Variants in SMOX observed in about 807,000 individuals in gnomAD.
SMOX encodes spermine oxidase.
In SMOX, 22 loss-of-function variants were observed where a neutral mutation model predicts 51.0. That is an observed-to-expected ratio of 0.43 (90% CI 0.31 to 0.62). The LOEUF is 0.62. Ranked by LOEUF, SMOX falls within the 20% of genes least tolerant of loss-of-function variation. The pLI is 0.10. For synonymous variants in SMOX, 282 were observed against 307.8 expected, an observed-to-expected ratio of 0.92 and a Z score of 0.88; for missense variants, 566 against 777.7, an observed-to-expected ratio of 0.73 and a Z score of 3.24.
Position 4,177,496 on chromosome 20 carries a change from T to C in SMOX, c.354T>C (p.Asn118=). Reference sequence around the variant, plus strand: ...GCCGCATCAGCCTCTATTCCAAGAATGGCGTGGCCTGCTACCTTACCAACC... The same window carrying C: ...GCCGCATCAGCCTCTATTCCAAGAACGGCGTGGCCTGCTACCTTACCAACC... ...SVGRISLYSK[N]GVACYLTNHG... is the part of the protein sequence containing the mutation. The change falls in exon 3 of 7, where the codon AAT becomes AAC. Residue 118 remains asparagine, a synonymous_variant. Transcript: ENST00000305958. This position sits in a 1 kb window ranked among gnomAD's most constrained non-coding sequence, Gnocchi z 4.3. The C allele has an allele frequency of 6.3e-7, 1 of 1,589,632 alleles. No homozygotes were observed.
chr20:4,175,711 T>G (rs1298509685), intron 2 of SMOX, among the ~76,000 whole-genome samples: 1 of 152,004 alleles, frequency 6.6e-6, no homozygotes. Flanking sequence ...TGGGCCTCCA[T>G]GTGTGTGATG....
intron 1 of SMOX, chr20:4,171,583 G>C (rs926217849): frequency 6.6e-6 from 1 of 152,392 alleles, no homozygotes; most frequent in Non-Finnish European, 1.5e-5. Flanking sequence ...GGACAGGACC[G>C]TGGGATTAGC....
In SMOX at chr20:4,177,153, GT is replaced by G. The variant is rs796092052; in HGVS notation, c.209-196del. 2.6e-5 allele frequency among the ~76,000 whole-genome samples: 4 copies of G among 152,352 alleles called. No individual in the cohort carries two copies. Among genetic ancestry groups the G allele is most frequent in the African/African-American group, 9.6e-5 (4 of 41,584 alleles). On this transcript the variant is annotated intron_variant, in intron 2 of 6. Coordinates refer to ENST00000305958, the MANE Select transcript of SMOX (RefSeq NM_175839.3). The surrounding 1 kb of genome is among the most constrained non-coding windows in gnomAD (Gnocchi z 4.3). ...AATCACAGAGTCATCCAAGGTGGCA[GT>G]TATCTTAGCTATAAGGTGGTTTTCA... is the stretch of plus-strand genomic sequence containing the variant.
At chr20:4,184,628 T>C (rs1979601819) in intron 6 of SMOX, among the ~76,000 whole-genome samples, 1 of 152,100 alleles carries the variant, frequency 6.6e-6, no homozygotes, top group African/African-American at 2.4e-5. Flanking sequence ...TTTGGTATAA[T>C]TGGTGAAGAA....
intron 3 of SMOX, among the ~76,000 whole-genome samples, chr20:4,178,169 G>A (rs1010440977): frequency 2.6e-5 from 4 of 152,196 alleles, no homozygotes; most frequent in African/African-American, 9.7e-5. Context: ...AGCCTCCTGA[G>A]TAGCTGGGAT....
chr20:4,172,359 G>A lies in SMOX; in HGVS notation c.-26-2671G>A, dbSNP rs1978465470. On this transcript the variant is annotated intron_variant, in intron 1 of 6. Transcript: ENST00000305958. The surrounding 1 kb of genome is among the most constrained non-coding windows in gnomAD (Gnocchi z 7.7). The stretch of plus-strand genomic sequence containing the variant: ...GTCCCGGCCCGGCTGGCAGACATCC[G>A]GCGGCATCGCCGCTGACCCTCCCCG... 6.6e-6 allele frequency among the ~76,000 whole-genome samples: 1 copy of A among 152,162 alleles called. No homozygotes were observed. Among genetic ancestry groups the A allele is most frequent in the Admixed American group, 6.5e-5 (1 of 15,290 alleles).
chr20:4,151,176 C>CCAAGAG (rs1211836924), intron 1 of SMOX, among the ~76,000 whole-genome samples: 2 of 152,146 alleles, frequency 1.3e-5, no homozygotes, highest in Non-Finnish European at 1.5e-5. Context: ...CACAACTCCA[C>CCAAGAG]CAAGAGCAAG....
At chr20:4,173,220 C>T (rs1007698105) in intron 1 of SMOX, among the ~76,000 whole-genome samples, 2 of 152,206 alleles carry the variant, frequency 1.3e-5, no homozygotes, top group African/African-American at 4.8e-5. Flanking sequence ...GCCCCTCCTG[C>T]CCCCTTCAGT....
rs1409798140 is a variant in SMOX, at chr20:4,153,888, C to T, written c.-27+4911C>T. ...AGGTGGACTTCCTGACAAGTAGACACTGGGCCTTGTTAGCTGTGGTCAGCA... is the reference window on the plus strand; with the variant it reads ...AGGTGGACTTCCTGACAAGTAGACATTGGGCCTTGTTAGCTGTGGTCAGCA... On this transcript the variant is annotated intron_variant, in intron 1 of 6. Coordinates refer to ENST00000305958, the MANE Select transcript of SMOX (RefSeq NM_175839.3). The surrounding 1 kb of genome is among the most constrained non-coding windows in gnomAD (Gnocchi z 4.4). 6.6e-6 allele frequency among the ~76,000 whole-genome samples: 1 copy of T among 152,202 alleles called. No individual in the cohort carries two copies. The highest frequency in any genetic ancestry group is 1.5e-5 in the Non-Finnish European group (1 of 68,034).
intron 3 of SMOX, among the ~76,000 whole-genome samples, chr20:4,180,847 C>G (rs1568745486): frequency 6.6e-6 from 1 of 152,156 alleles, no homozygotes; most frequent in Non-Finnish European, 1.5e-5. Flanking sequence ...GGGTTCTTTC[C>G]TATCACGGCA....
intron 1 of SMOX, among the ~76,000 whole-genome samples, chr20:4,165,056 T>TC (rs1393007698): frequency 7.2e-6 from 1 of 139,410 alleles, no homozygotes; most frequent in African/African-American, 2.6e-5. Flanking sequence ...GTTGTTTTTT[T>TC]TTTTTTTTTT....
chr20:4,173,493 G>A (rs1374822257), intron 1 of SMOX, among the ~76,000 whole-genome samples: 1 of 152,128 alleles, frequency 6.6e-6, no homozygotes, highest in Non-Finnish European at 1.5e-5. Context: ...GACCCGTGGG[G>A]TGTTTTTATT....
At chr20:4,169,430 G>T (rs1448659856) in intron 1 of SMOX, among the ~76,000 whole-genome samples, 2 of 152,142 alleles carry the variant, frequency 1.3e-5, no homozygotes, top group Admixed American at 1.3e-4. Context: ...GTGATGTGCT[G>T]ATTTTTGGGT....
At chr20:4,151,224 G>GC (rs1373064034) in intron 1 of SMOX, among the ~76,000 whole-genome samples, 1 of 151,972 alleles carries the variant, frequency 6.6e-6, no homozygotes, top group Non-Finnish European at 1.5e-5. Context: ...TCTCAAGCCT[G>GC]CCCTCTGTGC....
chr20:4,151,048 T>G (rs1479042570), intron 1 of SMOX, among the ~76,000 whole-genome samples: 1 of 152,056 alleles, frequency 6.6e-6, no homozygotes, highest in Non-Finnish European at 1.5e-5. Flanking sequence ...CCCAGGCTGG[T>G]CTCGAACTCC....
intron 1 of SMOX, among the ~76,000 whole-genome samples, chr20:4,151,188 C>T (rs1985736663): frequency 6.6e-6 from 1 of 152,108 alleles, no homozygotes; most frequent in African/African-American, 2.4e-5. Flanking sequence ...AAGAGCAAGT[C>T]CTTTTGGTTC....
Position 4,149,521 on chromosome 20 carries a change from C to A in SMOX, c.-27+544C>A, listed in dbSNP as rs1600787284. ...GGGCGTCCGGGTGGTCCCCTTGGGG[C>A]CCCGGGCAGGGTGAGGAGCAGCTTT... On this transcript the variant is annotated intron_variant, in intron 1 of 6. Coordinates refer to ENST00000305958, the MANE Select transcript of SMOX (RefSeq NM_175839.3). The surrounding 1 kb of genome is among the most constrained non-coding windows in gnomAD (Gnocchi z 6.0). Among the ~76,000 whole-genome samples, 2 of 152,140 alleles carry A rather than the reference C, an allele frequency of 1.3e-5. No homozygotes were observed. The highest frequency in any genetic ancestry group is 4.8e-5 in the African/African-American group (2 of 41,434).
At chr20:4,184,150 T>G (rs1296741417) in intron 6 of SMOX, among the ~76,000 whole-genome samples, 1 of 148,644 alleles carries the variant, frequency 6.7e-6, no homozygotes, top group Non-Finnish European at 1.5e-5. Flanking sequence ...CATGTCCAGC[T>G]AATTTTTGTA....
chr20:4,153,733 A>C lies in SMOX; in HGVS notation c.-27+4756A>C, dbSNP rs1264982739. 6.6e-6 allele frequency among the ~76,000 whole-genome samples: 1 copy of C among 152,174 alleles called. No individual in the cohort carries two copies. Among genetic ancestry groups the C allele is most frequent in the Non-Finnish European group, 1.5e-5 (1 of 68,020 alleles). ...TGCTGTTGGAAGCTCACCAGCCTTC[A>C]TGGTTGTCAGGAAGGGCTCCCTTCT... On this transcript the variant is annotated intron_variant, in intron 1 of 6. Coordinates refer to ENST00000305958, the MANE Select transcript of SMOX (RefSeq NM_175839.3). The surrounding 1 kb of genome is among the most constrained non-coding windows in gnomAD (Gnocchi z 4.4).
Sources: allele counts gnomAD v4.1 joint callset (sites outside exome capture counted in the v4.1 genomes callset), GRCh38; gene constraint gnomAD v4.1.1; non-coding constraint Gnocchi (gnomAD v3.1); transcripts MANE v1.5; gene names NCBI Gene and HGNC (gene_info 2026-07-23, HGNC 2026-07-21).